Variants in ACVR1 observed in about 807,000 individuals in gnomAD.
The protein encoded by ACVR1 is activin A receptor type 1.
A neutral mutation model predicts 57.1 loss-of-function variants in ACVR1; 38 were observed. That is an observed-to-expected ratio of 0.67 (90% CI 0.51 to 0.87). The LOEUF (loss-of-function observed/expected upper bound fraction) is 0.87, where lower values mean the gene tolerates loss of function less well. Ranked by LOEUF, ACVR1 falls within the 40% of genes least tolerant of loss-of-function variation. The probability of loss-of-function intolerance (pLI) is 0.00; values close to 1 mark genes in which losing one functional copy is unlikely to be tolerated. For missense variants in ACVR1, 463 were observed against 638.2 expected (o/e 0.73, Z 2.96); for synonymous variants, 212 against 228.1 (o/e 0.93, Z 0.63).
At chr2:157,749,673 C>T (rs990374462) in intron 9 of ACVR1, among the ~76,000 whole-genome samples, 7 of 152,150 alleles carry the variant, frequency 4.6e-5, no homozygotes, top group African/African-American at 1.7e-4. Context: ...CGGACCAGTC[C>T]ACCTACTATC....
chr2:157,856,581 G>T (rs910842678), intron 1 of ACVR1, among the ~76,000 whole-genome samples: 3 of 152,162 alleles, frequency 2.0e-5, no homozygotes, highest in African/African-American at 7.2e-5. Flanking sequence ...GTGCCCCGTG[G>T]TGGTTACAAA....
chr2:157,852,032 T>C (rs910368444), intron 1 of ACVR1, among the ~76,000 whole-genome samples: 1 of 151,448 alleles, frequency 6.6e-6, no homozygotes, highest in African/African-American at 2.4e-5. Flanking sequence ...GGCAAGAGCA[T>C]TGAATGTGGA....
chr2:157,756,727 C>T (rs1685438812), intron 9 of ACVR1, among the ~76,000 whole-genome samples: 1 of 151,820 alleles, frequency 6.6e-6, no homozygotes, highest in Admixed American at 6.6e-5. Context: ...ACTAGTACAA[C>T]CACTATGGTA....
At chr2:157,753,267 C>T (rs1449058619) in intron 9 of ACVR1, among the ~76,000 whole-genome samples, 5 of 152,176 alleles carry the variant, frequency 3.3e-5, no homozygotes, top group East Asian at 1.9e-4. Context: ...TGGTGGTTCA[C>T]GCCTGTAATC....
intron 9 of ACVR1, among the ~76,000 whole-genome samples, chr2:157,739,750 C>T (rs1684681146): frequency 6.6e-6 from 1 of 152,160 alleles, no homozygotes; most frequent in Non-Finnish European, 1.5e-5. Flanking sequence ...TTACAAATTC[C>T]ATACAAATAC....
Position 157,736,688 on chromosome 2 carries a change from GAA to G in ACVR1, c.*841_*842del. The G allele has an allele frequency of 3.0e-6, 1 of 330,082 alleles. No homozygotes were observed. Among genetic ancestry groups the G allele is most frequent in the Non-Finnish European group, 5.6e-6 (1 of 179,106 alleles). The allele number at this position is 330,082 out of a possible 1,614,324, so 20.4% of individuals were successfully genotyped here. On this transcript the variant is annotated 3_prime_UTR_variant, in exon 11 of 11. Transcript: ENST00000434821. ...GCTAAATACGTTCTGCATATGAACT[GAA>G]AAAAAGTTACAGTCTACACACATAC...
intron 2 of ACVR1, among the ~76,000 whole-genome samples, chr2:157,807,164 G>A (rs1219696478): frequency 6.6e-6 from 1 of 152,062 alleles, no homozygotes; most frequent in African/African-American, 2.4e-5. Context: ...AAAAGATAAG[G>A]CTTAATGTGA....
At chr2:157,760,311 T>C (rs1180907054) in intron 9 of ACVR1, among the ~76,000 whole-genome samples, 1 of 152,088 alleles carries the variant, frequency 6.6e-6, no homozygotes, top group Admixed American at 6.6e-5. Flanking sequence ...GGGGTGAGGA[T>C]AGCAGTGGGA....
chr2:157,797,784 T>C (rs1388981207), intron 3 of ACVR1, among the ~76,000 whole-genome samples: 3 of 152,174 alleles, frequency 2.0e-5, no homozygotes, highest in Admixed American at 6.5e-5. Context: ...ATTAGACTCC[T>C]AGGGCCTGAA....
At chr2:157,816,265 T>G (rs2105326511) in intron 2 of ACVR1, among the ~76,000 whole-genome samples, 1 of 152,274 alleles carries the variant, frequency 6.6e-6, no homozygotes, top group Admixed American at 6.5e-5. Flanking sequence ...TCTCTATATA[T>G]GGCTATACTT....
chr2:157,753,973 A>C (rs1191603028), intron 9 of ACVR1, among the ~76,000 whole-genome samples: 1 of 152,350 alleles, frequency 6.6e-6, no homozygotes, highest in East Asian at 1.9e-4. Context: ...AAACCATGCA[A>C]ATAGATGGAA....
intron 1 of ACVR1, among the ~76,000 whole-genome samples, chr2:157,839,381 G>A (rs1296721798): frequency 6.6e-6 from 1 of 152,184 alleles, no homozygotes; most frequent in Admixed American, 6.5e-5. Context: ...GGCCTCCATG[G>A]ACAAATTATA....
At chr2:157,848,352 G>A (rs1689189917) in intron 1 of ACVR1, among the ~76,000 whole-genome samples, 1 of 152,146 alleles carries the variant, frequency 6.6e-6, no homozygotes, top group Admixed American at 6.5e-5. Context: ...ATGCTATGAG[G>A]AAGCTCAAAA....
intron 3 of ACVR1, among the ~76,000 whole-genome samples, chr2:157,784,839 G>A (rs151307468): frequency 1.4e-4 from 21 of 152,338 alleles, no homozygotes; most frequent in Admixed American, 1.4e-3. Flanking sequence ...TCTAATGCCG[G>A]ACTAGCAGAG....
intron 9 of ACVR1, among the ~76,000 whole-genome samples, chr2:157,760,389 T>C (rs1215105673): frequency 1.3e-5 from 2 of 152,110 alleles, no homozygotes; most frequent in East Asian, 3.8e-4. Context: ...TAATGTTCAA[T>C]AGCACAGTAG....
chr2:157,764,561 T>C (rs1316459522), intron 8 of ACVR1, among the ~76,000 whole-genome samples: 1 of 151,988 alleles, frequency 6.6e-6, no homozygotes, highest in Non-Finnish European at 1.5e-5. Flanking sequence ...GGGCACAGCG[T>C]CAAGCCCTGG....
At chr2:157,814,612 C>A (rs1687866031) in intron 2 of ACVR1, among the ~76,000 whole-genome samples, 1 of 152,132 alleles carries the variant, frequency 6.6e-6, no homozygotes, top group East Asian at 1.9e-4. Context: ...ACCTTTGACC[C>A]AGCAATTCTA....
At chr2:157,770,279 G>T in intron 7 of ACVR1, 89 bp downstream of exon 7, 1 of 1,473,770 alleles carries the variant, frequency 6.8e-7, no homozygotes, top group South Asian at 1.1e-5. Flanking sequence ...AGACACTCTC[G>T]AATTCACATT....
chr2:157,771,085 C>T (rs1309680482), intron 6 of ACVR1, among the ~76,000 whole-genome samples: 1 of 152,156 alleles, frequency 6.6e-6, no homozygotes, highest in African/African-American at 2.4e-5. Flanking sequence ...CAAACCAAAA[C>T]ACAATGCTGC....
Sources: gnomAD v4.1 joint callset for allele counts (sites outside exome capture counted in the v4.1 genomes callset) on GRCh38, gnomAD v4.1.1 for gene constraint, MANE v1.5 for transcripts, NCBI Gene and HGNC (gene_info 2026-07-23, HGNC 2026-07-21) for gene names.